Variants in NDUFS4 observed in about 807,000 individuals in gnomAD.
The protein encoded by NDUFS4 is NADH dehydrogenase [ubiquinone] iron-sulfur protein 4, mitochondrial.
In NDUFS4, 28 loss-of-function variants were observed where a neutral mutation model predicts 24.3. That is an observed-to-expected ratio of 1.15 (90% CI 0.85 to 1.58). The LOEUF (loss-of-function observed/expected upper bound fraction) is 1.58, where lower values mean the gene tolerates loss of function less well. Among genes scored for constraint, NDUFS4 ranks in the 40% most tolerant of loss-of-function variants. NDUFS4 has a pLI of 0.00. For synonymous variants in NDUFS4, 93 were observed against 69.7 expected (o/e 1.34, Z -1.67); for missense variants, 223 against 207.9 (o/e 1.07, Z -0.45).
intron 1 of NDUFS4, 97 bp downstream of exon 1, chr5:53,560,857 C>T: frequency 6.3e-7 from 1 of 1,587,078 alleles, no homozygotes; most frequent in Non-Finnish European, 8.5e-7. Flanking sequence ...TCGGGGAAGG[C>T]GTCCTCTGTT....
intron 1 of NDUFS4, among the ~76,000 whole-genome samples, chr5:53,585,588 C>T (rs567943585): frequency 5.3e-5 from 8 of 151,842 alleles, no homozygotes; most frequent in East Asian, 1.9e-4. Flanking sequence ...ACTAAAAATA[C>T]GAAATTAGCC....
rs752673020 is a variant in NDUFS4, at chr5:53,676,368, G to A, written c.425-6750G>A. 1.1e-4 allele frequency among the ~76,000 whole-genome samples: 16 copies of A among 152,154 alleles called. No homozygotes were observed. In the South Asian group the frequency reaches 2.9e-3, roughly 28 times the overall value. On this transcript the variant is annotated intron_variant, in intron 4 of 4. Coordinates refer to ENST00000296684, the MANE Select transcript of NDUFS4 (RefSeq NM_002495.4). ...GGATATACATGGTTAGGTTCCTGCAGGCCTCTGGTCACATAGTTTGTCGTC... is the reference window on the plus strand; with the variant it reads ...GGATATACATGGTTAGGTTCCTGCAAGCCTCTGGTCACATAGTTTGTCGTC...
At chr5:53,611,684 C>G (rs1750703728) in intron 2 of NDUFS4, among the ~76,000 whole-genome samples, 1 of 151,898 alleles carries the variant, frequency 6.6e-6, no homozygotes, top group Admixed American at 6.6e-5. Context: ...TTGCTTGGCC[C>G]TTGGTTTTTG....
At chr5:53,620,763 G>A (rs1253228462) in intron 2 of NDUFS4, among the ~76,000 whole-genome samples, 3 of 152,034 alleles carry the variant, frequency 2.0e-5, no homozygotes, top group Non-Finnish European at 2.9e-5. Flanking sequence ...TTTATTTGGC[G>A]AACTACATTA....
chr5:53,605,731 G>T (rs1212989000), intron 2 of NDUFS4, among the ~76,000 whole-genome samples: 1 of 152,074 alleles, frequency 6.6e-6, no homozygotes, highest in Non-Finnish European at 1.5e-5. Context: ...AGAAATACCT[G>T]AGGTGGGACG....
intron 2 of NDUFS4, among the ~76,000 whole-genome samples, chr5:53,634,118 C>G (rs373130947): frequency 6.6e-6 from 1 of 152,164 alleles, no homozygotes; most frequent in South Asian, 2.1e-4. Context: ...TGAGCTAGGA[C>G]CAGTTCTTAA....
chr5:53,602,498 A>G (rs989993335), intron 1 of NDUFS4, among the ~76,000 whole-genome samples: 1 of 152,188 alleles, frequency 6.6e-6, no homozygotes, highest in African/African-American at 2.4e-5. Flanking sequence ...GGTTTTCTAT[A>G]TGGCTGTGTA....
chr5:53,595,766 G>T (rs1750115705), intron 1 of NDUFS4, among the ~76,000 whole-genome samples: 1 of 151,988 alleles, frequency 6.6e-6, no homozygotes, highest in Admixed American at 6.6e-5. Flanking sequence ...TAATCTGTTG[G>T]ATGACTCTGA....
At chr5:53,592,525 G>C (rs1029092838) in intron 1 of NDUFS4, among the ~76,000 whole-genome samples, 1 of 152,068 alleles carries the variant, frequency 6.6e-6, no homozygotes, top group Non-Finnish European at 1.5e-5. Context: ...TGATTGTTTT[G>C]CTTCCTACAT....
At chr5:53,575,212 G>A (rs952455782) in intron 1 of NDUFS4, among the ~76,000 whole-genome samples, 11 of 152,152 alleles carry the variant, frequency 7.2e-5, no homozygotes, top group African/African-American at 2.7e-4. Context: ...GTTCAGGCTG[G>A]GGACATTCAA....
In NDUFS4 at chr5:53,636,686, A is replaced by T. The variant is rs894512831; in HGVS notation, c.178-9547A>T. Among the ~76,000 whole-genome samples, 13 of 152,300 alleles carry T rather than the reference A, an allele frequency of 8.5e-5. No homozygotes were observed. In the East Asian group the frequency reaches 2.3e-3, roughly 27 times the overall value. Reference sequence around the variant, plus strand: ...ATCTGACGTGGAGATGTAATCCCCGACATTGGAGGTGGAGCCTGTTGGGAG... The same window carrying T: ...ATCTGACGTGGAGATGTAATCCCCGTCATTGGAGGTGGAGCCTGTTGGGAG... On this transcript the variant is annotated intron_variant, in intron 2 of 4. Transcript: ENST00000296684.
intron 1 of NDUFS4, among the ~76,000 whole-genome samples, chr5:53,564,494 T>TTA (rs1748956190): frequency 6.6e-6 from 1 of 152,240 alleles, no homozygotes; most frequent in Non-Finnish European, 1.5e-5. Context: ...ATGCCCATAC[T>TTA]TAGTTTTCAT....
chr5:53,662,451 A>C (rs181930365), intron 4 of NDUFS4, among the ~76,000 whole-genome samples: 3,201 of 152,048 alleles, frequency 0.021, 123 homozygotes, highest in African/African-American at 0.073. Context: ...TGGTCTAAAA[A>C]TCTCTTTTTT....
At chr5:53,607,490 A>G (rs1400042922) in intron 2 of NDUFS4, among the ~76,000 whole-genome samples, 1 of 152,236 alleles carries the variant, frequency 6.6e-6, no homozygotes, top group African/African-American at 2.4e-5. Flanking sequence ...AAAAAAAGAA[A>G]AAAAAGACTG....
intron 2 of NDUFS4, 146 bp from the exon 3 acceptor site, chr5:53,646,086 TC>T: frequency 1.5e-6 from 1 of 671,332 alleles, no homozygotes; most frequent in Non-Finnish European, 2.6e-6. Context: ...TTGTAAAGTA[TC>T]AGAATGGTAG....
chr5:53,611,275 T>C (rs1034551552), intron 2 of NDUFS4, among the ~76,000 whole-genome samples: 8 of 151,526 alleles, frequency 5.3e-5, no homozygotes, highest in Non-Finnish European at 1.0e-4. Context: ...AGGCATAAAA[T>C]GTAGAAAGGA....
chr5:53,584,083 T>C (rs1046293155), intron 1 of NDUFS4, among the ~76,000 whole-genome samples: 39 of 152,214 alleles, frequency 2.6e-4, no homozygotes, highest in Admixed American at 1.8e-3. Flanking sequence ...CACTCCCCAA[T>C]GCACAGTTAT....
intron 2 of NDUFS4, among the ~76,000 whole-genome samples, chr5:53,607,572 G>A (rs1415267202): frequency 3.3e-5 from 5 of 152,094 alleles, no homozygotes; most frequent in African/African-American, 1.2e-4. Context: ...ATTAACGTTT[G>A]GAATATCTAT....
chr5:53,569,107 T>C (rs893700324), intron 1 of NDUFS4, among the ~76,000 whole-genome samples: 7 of 152,110 alleles, frequency 4.6e-5, no homozygotes, highest in Non-Finnish European at 8.8e-5. Context: ...ATGTTTTGGC[T>C]CTTTTGAGGA....
Sources: gnomAD v4.1 joint callset for allele counts (sites outside exome capture counted in the v4.1 genomes callset) on GRCh38, gnomAD v4.1.1 for gene constraint, MANE v1.5 for transcripts, NCBI Gene and HGNC (gene_info 2026-07-23, HGNC 2026-07-21) for gene names.